PCDHGA8: variants seen among roughly 807,000 people sequenced by gnomAD.
The protein encoded by PCDHGA8 is protocadherin gamma subfamily A, 8, also known as protocadherin gamma-A8.
A neutral mutation model predicts 59.2 loss-of-function variants in PCDHGA8; 45 were observed. The ratio of observed to expected loss-of-function variants is 0.76; its 90% CI spans 0.60 to 0.98. PCDHGA8 has a LOEUF of 0.98. Among genes scored for constraint, PCDHGA8 ranks in the 50% least tolerant of loss-of-function variants. PCDHGA8 has a pLI of 0.00. For missense variants in PCDHGA8, 1,257 were observed against 1,196.2 expected (o/e 1.05, Z -0.75); for synonymous variants, 531 against 519.0 (o/e 1.02, Z -0.32).
At chr5:141,404,859 A>G in intron 1 of PCDHGA8, 1 of 1,613,494 alleles carries the variant, frequency 6.2e-7, no homozygotes, top group South Asian at 1.1e-5. Flanking sequence ...CTAGATAGAG[A>G]TGCGCTCAAA....
At position 141,395,178 on chromosome 5, in the gene PCDHGA8, G is replaced by T. The variant is rs1201622292; in HGVS notation, c.2365G>T (p.Asp789Tyr). The T allele has an allele frequency of 1.2e-6, 2 of 1,614,142 alleles. No homozygotes were observed. The highest frequency in any genetic ancestry group is 1.7e-6 in the Non-Finnish European group (2 of 1,179,986). ...CAGTCAGGAGGGCTGTGAGAAAAATGATTCTTTGTTAACATCCGTAGATTT... is the reference window on the plus strand; with the variant it reads ...CAGTCAGGAGGGCTGTGAGAAAAATTATTCTTTGTTAACATCCGTAGATTT... ...LISQEGCEKN[D>Y]SLLTSVDFHE... The change falls in exon 1 of 4, where the codon GAT becomes TAT. Residue 789 changes from aspartate (D) to tyrosine (Y), a missense_variant. By Grantham distance (160) the Asp-to-Tyr change is radical. Coordinates refer to ENST00000398604, the MANE Select transcript of PCDHGA8 (RefSeq NM_032088.2).
chr5:141,408,390 C>T (rs375719639), intron 1 of PCDHGA8: 1 of 1,613,902 alleles, frequency 6.2e-7, no homozygotes, highest in East Asian at 2.2e-5. Context: ...GATGTGTCGG[C>T]TCGCAAGCTG....
chr5:141,506,109 A>G (rs1027886504), intron 3 of PCDHGA8, among the ~76,000 whole-genome samples: 5 of 152,126 alleles, frequency 3.3e-5, no homozygotes, highest in Middle Eastern at 3.2e-3. Flanking sequence ...GTCCCTGAAG[A>G]GTCACTAGGG....
intron 1 of PCDHGA8, chr5:141,423,105 G>C (rs1480411428): frequency 1.9e-6 from 3 of 1,613,920 alleles, no homozygotes; most frequent in East Asian, 4.5e-5. Flanking sequence ...ACACGGGCGA[G>C]GTGCGTACAG....
intron 1 of PCDHGA8, chr5:141,399,515 C>T (rs748098945): frequency 6.2e-7 from 1 of 1,614,040 alleles, no homozygotes; most frequent in African/African-American, 1.3e-5. Context: ...AACAACCCTC[C>T]TGGGGCCTCC....
intron 1 of PCDHGA8, chr5:141,413,563 A>G: frequency 6.2e-7 from 1 of 1,613,918 alleles, no homozygotes; most frequent in Non-Finnish European, 8.5e-7. Context: ...AGTAACTGAT[A>G]TCAATGACAA....
chr5:141,471,846 T>C (rs2099265433), intron 1 of PCDHGA8, among the ~76,000 whole-genome samples: 1 of 152,180 alleles, frequency 6.6e-6, no homozygotes. Context: ...AATAAAATAT[T>C]CAGAAAAAGC....
At chr5:141,492,601 C>T (rs1374321466) in intron 1 of PCDHGA8, among the ~76,000 whole-genome samples, 2 of 152,220 alleles carry the variant, frequency 1.3e-5, no homozygotes, top group East Asian at 3.9e-4. Context: ...GGAGCGACTG[C>T]CGCTCTAAGT....
intron 1 of PCDHGA8, chr5:141,426,776 C>G (rs1258505646): frequency 2.2e-6 from 1 of 456,584 alleles, no homozygotes; most frequent in Admixed American, 2.3e-5. Flanking sequence ...TAGGGCCTCA[C>G]TCTCTCCAGA....
chr5:141,489,666 C>A lies in PCDHGA8; in HGVS notation c.2425-5141C>A. On this transcript the variant is annotated intron_variant, in intron 1 of 3. Transcript: ENST00000398604. The surrounding 1 kb of genome is among the most constrained non-coding windows in gnomAD (Gnocchi z 4.5). ...CCACCCCTGAGCGAGAGATGCGCAT[C>A]TCAGAATCAGCAGCATCTGGGGCAC... 1.2e-6 allele frequency: 2 copies of A among 1,614,222 alleles called. No homozygotes were observed. Among genetic ancestry groups the A allele is most frequent in the Non-Finnish European group, 1.7e-6 (2 of 1,180,036 alleles).
intron 1 of PCDHGA8, chr5:141,411,445 G>A (rs926329934): frequency 1.3e-5 from 2 of 151,656 alleles, no homozygotes; most frequent in South Asian, 2.1e-4. Flanking sequence ...TTAGCAGAGT[G>A]TGGTAGCATT....
At chr5:141,399,947 C>G in intron 1 of PCDHGA8, 1 of 1,612,228 alleles carries the variant, frequency 6.2e-7, no homozygotes. Context: ...GTGCTGCAGG[C>G]TAGCGAGCCC....
intron 1 of PCDHGA8, among the ~76,000 whole-genome samples, chr5:141,481,245 T>C (rs1362728826): frequency 6.6e-6 from 1 of 152,194 alleles, no homozygotes; most frequent in East Asian, 1.9e-4. Context: ...TTACATAGCA[T>C]AGCTCTAAAA....
chr5:141,418,517 C>G, intron 1 of PCDHGA8: 1 of 1,613,918 alleles, frequency 6.2e-7, no homozygotes. Flanking sequence ...TGGTGGGGAC[C>G]CTCCCCGAAG....
At chr5:141,500,188 ATT>A (rs2099797463) in intron 2 of PCDHGA8, among the ~76,000 whole-genome samples, 1 of 98,146 alleles carries the variant, frequency 1.0e-5, no homozygotes, top group African/African-American at 5.1e-5. Flanking sequence ...TTTTATTTTT[ATT>A]TATTTATTTA....
At chr5:141,430,687 T>A in intron 1 of PCDHGA8, 3 of 1,399,922 alleles carry the variant, frequency 2.1e-6, no homozygotes, top group Non-Finnish European at 9.5e-7. Flanking sequence ...TGTCCCATTC[T>A]ATGGGCGAAG....
chr5:141,446,043 A>T (rs1374577548), intron 1 of PCDHGA8, among the ~76,000 whole-genome samples: 2 of 152,226 alleles, frequency 1.3e-5, no homozygotes, highest in Non-Finnish European at 2.9e-5. Flanking sequence ...AAATGGAAGA[A>T]GAGCTGGCTT....
intron 1 of PCDHGA8, among the ~76,000 whole-genome samples, chr5:141,455,406 CAG>C (rs1306843200): frequency 3.3e-5 from 5 of 152,226 alleles, no homozygotes; most frequent in Non-Finnish European, 5.9e-5. Flanking sequence ...CTTACAGAGA[CAG>C]AGGGAGCGGG....
At position 141,431,698 on chromosome 5, in the gene PCDHGA8, AT is replaced by A. The variant is rs2097408637; in HGVS notation, c.2424+36463del. ...GGGAGTTGGACCACGAGGAGTCAGG[AT>A]TCTACCAGATGGAAGTGCAAGCAAT... On this transcript the variant is annotated intron_variant, in intron 1 of 3. Coordinates refer to ENST00000398604, the MANE Select transcript of PCDHGA8 (RefSeq NM_032088.2). The surrounding 1 kb of genome is among the most constrained non-coding windows in gnomAD (Gnocchi z 4.8). 4.3e-6 allele frequency: 7 copies of A among 1,614,104 alleles called. 1 individual carries two copies. The South Asian group carries it at 7.7e-5, about 18-fold the overall frequency.
Sources: allele counts gnomAD v4.1 joint callset (sites outside exome capture counted in the v4.1 genomes callset), GRCh38; gene constraint gnomAD v4.1.1; non-coding constraint Gnocchi (gnomAD v3.1); transcripts MANE v1.5; gene names NCBI Gene and HGNC (gene_info 2026-07-23, HGNC 2026-07-21).